Variants in FTCDNL1 observed in about 807,000 individuals in gnomAD.
FTCDNL1 encodes the protein formiminotransferase N-terminal subdomain-containing protein.
FTCDNL1 carries 11 observed loss-of-function variants against 5.9 expected under a neutral mutation model. The ratio of observed to expected loss-of-function variants is 1.87; its 90% CI spans 1.18 to 3.10. The LOEUF (loss-of-function observed/expected upper bound fraction) is 3.10, where lower values mean the gene tolerates loss of function less well. FTCDNL1 is among the 30% of genes most tolerant of loss of function. FTCDNL1 has a pLI of 0.00. For synonymous variants in FTCDNL1, 58 were observed against 24.8 expected (o/e 2.34, Z -3.99); for missense variants, 115 against 65.5 (o/e 1.76, Z -2.61).
chr2:199,837,054 A>G (rs899690264), intron 3 of FTCDNL1, among the ~76,000 whole-genome samples: 1 of 152,184 alleles, frequency 6.6e-6, no homozygotes, highest in Admixed American at 6.5e-5. Context: ...ACTGCTGGTC[A>G]TGGAAGATTA....
At chr2:199,849,027 T>A (rs1364692741) in intron 1 of FTCDNL1, 58 bp from the exon 2 acceptor site, 11 of 667,168 alleles carry the variant, frequency 1.6e-5, no homozygotes, top group Non-Finnish European at 3.0e-5. Context: ...TTTCATGTTT[T>A]AACTATAAAA....
chr2:199,733,591 G>A, the FTCDNL1 span, among the ~76,000 whole-genome samples: 1 of 152,172 alleles, frequency 6.6e-6, no homozygotes, highest in African/African-American at 2.4e-5. Flanking sequence ...AAGAGAGATG[G>A]TAGTTCAAAC....
At chr2:199,791,300 G>A (rs1335158450) in intron 3 of FTCDNL1, among the ~76,000 whole-genome samples, 1 of 152,002 alleles carries the variant, frequency 6.6e-6, no homozygotes, top group Non-Finnish European at 1.5e-5. Flanking sequence ...AAAGAGTTCT[G>A]GGAACCCAGC....
intron 2 of FTCDNL1, among the ~76,000 whole-genome samples, chr2:199,846,654 C>G (rs2076740989): frequency 6.6e-6 from 1 of 152,184 alleles, no homozygotes; most frequent in African/African-American, 2.4e-5. Context: ...GACGCATGCA[C>G]CTGTCCATTA....
At chr2:199,695,997 A>T in the FTCDNL1 span, among the ~76,000 whole-genome samples, 2 of 152,164 alleles carry the variant, frequency 1.3e-5, no homozygotes, top group African/African-American at 4.8e-5. Flanking sequence ...ACCTGCTTAC[A>T]ACACAGCCTC....
chr2:199,767,133 T>C (rs970005300), intron 3 of FTCDNL1, among the ~76,000 whole-genome samples: 1 of 152,262 alleles, frequency 6.6e-6, no homozygotes, highest in African/African-American at 2.4e-5. Flanking sequence ...AATGATTTTC[T>C]ATAAAAATTT....
At chr2:199,832,088 T>C (rs549972351) in intron 3 of FTCDNL1, among the ~76,000 whole-genome samples, 1 of 152,288 alleles carries the variant, frequency 6.6e-6, no homozygotes, top group Non-Finnish European at 1.5e-5. Context: ...TAACCAATAA[T>C]CCAAGAAGGT....
chr2:199,764,488 G>A (rs1216080622), intron 3 of FTCDNL1, among the ~76,000 whole-genome samples: 2 of 152,134 alleles, frequency 1.3e-5, no homozygotes, highest in East Asian at 1.9e-4. Context: ...GCTAATATTC[G>A]TGATTCAGCT....
the FTCDNL1 span, among the ~76,000 whole-genome samples, chr2:199,702,143 G>A: frequency 1.3e-5 from 2 of 152,098 alleles, no homozygotes; most frequent in Non-Finnish European, 2.9e-5. Context: ...GCTCGAAGGT[G>A]GAGGTGAGAA....
At chr2:199,775,912 C>CTT (rs71019085) in intron 3 of FTCDNL1, among the ~76,000 whole-genome samples, 25 of 117,736 alleles carry the variant, frequency 2.1e-4, no homozygotes, top group Non-Finnish European at 3.0e-4. Context: ...GCAGGATCTC[C>CTT]TTTTTTTTTT....
At chr2:199,732,271 G>A in the FTCDNL1 span, among the ~76,000 whole-genome samples, 28 of 152,216 alleles carry the variant, frequency 1.8e-4, no homozygotes, top group African/African-American at 6.5e-4. Flanking sequence ...CCAAATATGA[G>A]TTGTCCTCCA....
intron 3 of FTCDNL1, 29 bp downstream of exon 3, chr2:199,846,046 A>G (rs888291982): frequency 1.5e-6 from 1 of 675,734 alleles, no homozygotes; most frequent in Admixed American, 2.3e-5. Context: ...AAAAAGACAT[A>G]TATGTAAAGA....
At chr2:199,794,640 G>A (rs1466981012) in intron 3 of FTCDNL1, among the ~76,000 whole-genome samples, 1 of 152,196 alleles carries the variant, frequency 6.6e-6, no homozygotes, top group African/African-American at 2.4e-5. Flanking sequence ...CACTTAGGGA[G>A]GCTAAGGCAA....
At chr2:199,673,491 G>A in the FTCDNL1 span, among the ~76,000 whole-genome samples, 24 of 151,434 alleles carry the variant, frequency 1.6e-4, no homozygotes, top group African/African-American at 4.6e-4. Context: ...TAATTTTTTC[G>A]TGATGACATC....
At chr2:199,693,722 T>C in the FTCDNL1 span, among the ~76,000 whole-genome samples, 1 of 152,338 alleles carries the variant, frequency 6.6e-6, no homozygotes, top group African/African-American at 2.4e-5. Flanking sequence ...AGAGGGATGC[T>C]GAGCAGAGGA....
the FTCDNL1 span, among the ~76,000 whole-genome samples, chr2:199,680,095 T>A: frequency 6.6e-6 from 1 of 152,104 alleles, no homozygotes; most frequent in South Asian, 2.1e-4. Context: ...GCCAGAACAA[T>A]AGATGGACCA....
the FTCDNL1 span, among the ~76,000 whole-genome samples, chr2:199,666,091 C>T: frequency 6.6e-6 from 1 of 152,138 alleles, no homozygotes; most frequent in African/African-American, 2.4e-5. Flanking sequence ...ATCTCAGTTT[C>T]CTCACCTATA....
At chr2:199,742,251 C>T in the FTCDNL1 span, among the ~76,000 whole-genome samples, 20 of 152,104 alleles carry the variant, frequency 1.3e-4, no homozygotes, top group Admixed American at 7.9e-4. Context: ...ACTTCCCTAA[C>T]GCCTCCCATG....
At chr2:199,752,728 A>ATC in the FTCDNL1 span, among the ~76,000 whole-genome samples, 84 of 146,328 alleles carry the variant, frequency 5.7e-4, no homozygotes, top group African/African-American at 1.4e-3. Context: ...CATATATACT[A>ATC]TCTCTCTCTC....
Sources: gnomAD v4.1 joint callset for allele counts (sites outside exome capture counted in the v4.1 genomes callset) on GRCh38, gnomAD v4.1.1 for gene constraint, MANE v1.5 for transcripts, NCBI Gene and HGNC (gene_info 2026-07-23, HGNC 2026-07-21) for gene names.